PDZRN4: variants seen among roughly 807,000 people sequenced by gnomAD.
PDZRN4 encodes the protein PDZ domain containing ring finger 4, also known as PDZ domain-containing RING finger protein 4.
Under a neutral mutation model 99.0 loss-of-function variants are expected in PDZRN4, and 70 were observed. That is an observed-to-expected ratio of 0.71 (90% CI 0.58 to 0.86). The LOEUF (loss-of-function observed/expected upper bound fraction) is 0.86. Ranked by LOEUF, PDZRN4 falls within the 40% of genes least tolerant of loss-of-function variation. PDZRN4 has a pLI of 0.00. For missense variants in PDZRN4, 1,474 were observed against 1,331.2 expected (o/e 1.11, Z -1.67); for synonymous variants, 551 against 501.6 (o/e 1.10, Z -1.32).
At position 41,572,513 on chromosome 12, in the gene PDZRN4, T is replaced by C. The variant is rs1380732552; in HGVS notation, c.1734T>C (p.Asn578=). The change falls in exon 10 of 10, where the codon AAT becomes AAC. Residue 578 remains asparagine (N), a synonymous_variant. Coordinates refer to ENST00000402685, the MANE Select transcript of PDZRN4 (RefSeq NM_001164595.2). ...AGGAGAATGCAGCCGAGGACCCCAA[T>C]AGCACATCTTTGAAGAGCAAGAGAG... is the stretch of plus-strand genomic sequence containing the variant. The part of the protein sequence containing the change: ...SEQENAAEDP[N]STSLKSKRDL... 21 of 1,613,886 alleles carry C rather than the reference T, an allele frequency of 1.3e-5. No individual in the cohort carries two copies. The highest frequency in any genetic ancestry group is 2.2e-5 in the East Asian group (1 of 44,862).
Position 41,450,894 on chromosome 12 carries a change from C to A in PDZRN4, c.844-55562C>A, listed in dbSNP as rs61926463. ...AGTGAGCTATAATTGTGCCACTGCA[C>A]CCCTGCCTGTGTGACAGAGCAAGAC... On this transcript the variant is annotated intron_variant, in intron 3 of 9. Coordinates refer to ENST00000402685, the MANE Select transcript of PDZRN4 (RefSeq NM_001164595.2). 4.4e-4 allele frequency among the ~76,000 whole-genome samples: 67 copies of A among 152,088 alleles called. 1 individual carries two copies. Among genetic ancestry groups the A allele is most frequent in the Non-Finnish European group, 7.2e-4 (49 of 68,014 alleles).
intron 3 of PDZRN4, among the ~76,000 whole-genome samples, chr12:41,403,584 G>A (rs12305552): frequency 0.14 from 20,787 of 151,954 alleles, 3,195 homozygotes; most frequent in African/African-American, 0.37. Context: ...CTAGAAATAC[G>A]CAGTTGGTTC....
intron 3 of PDZRN4, among the ~76,000 whole-genome samples, chr12:41,463,730 T>C (rs1053162460): frequency 5.9e-5 from 9 of 152,198 alleles, no homozygotes; most frequent in African/African-American, 9.6e-5. Context: ...ACAGAAATTG[T>C]AGGTTACTCA....
intron 3 of PDZRN4, among the ~76,000 whole-genome samples, chr12:41,502,243 T>G (rs1346740620): frequency 6.6e-6 from 1 of 152,118 alleles, no homozygotes; most frequent in African/African-American, 2.4e-5. Flanking sequence ...GTACACTAGT[T>G]GCCCGGTTAC....
chr12:41,388,355 T>G (rs1952186589), intron 3 of PDZRN4, among the ~76,000 whole-genome samples: 1 of 151,038 alleles, frequency 6.6e-6, no homozygotes, highest in Admixed American at 6.6e-5. Context: ...TGTAACAAAC[T>G]ACACATGTAC....
intron 3 of PDZRN4, among the ~76,000 whole-genome samples, chr12:41,432,092 C>T (rs993018040): frequency 2.6e-5 from 4 of 152,144 alleles, no homozygotes; most frequent in Non-Finnish European, 2.9e-5. Flanking sequence ...TACTACCAGA[C>T]ATATGATAAG....
intron 3 of PDZRN4, among the ~76,000 whole-genome samples, chr12:41,323,367 T>C (rs1403142799): frequency 6.6e-6 from 1 of 152,130 alleles, no homozygotes; most frequent in African/African-American, 2.4e-5. Flanking sequence ...TTGACCTCAT[T>C]CTTACATTTA....
Position 41,567,774 on chromosome 12 carries a change from C to A in PDZRN4, c.1468-9C>A, listed in dbSNP as rs747196930. ...ACATAATATAATGTACTAATGTATT[C>A]TTTTGCAGCTGGATGAAGGCTGGCT... is the stretch of plus-strand genomic sequence containing the variant. On this transcript the variant is annotated splice_polypyrimidine_tract_variant and intron_variant, in intron 8 of 9. Coordinates refer to ENST00000402685, the MANE Select transcript of PDZRN4 (RefSeq NM_001164595.2). 4.4e-6 allele frequency: 7 copies of A among 1,573,888 alleles called. No homozygotes were observed. Among genetic ancestry groups the A allele is most frequent in the South Asian group, 1.1e-5 (1 of 89,400 alleles).
chr12:41,538,082 G>A (rs1177635442), intron 5 of PDZRN4, among the ~76,000 whole-genome samples: 1 of 151,978 alleles, frequency 6.6e-6, no homozygotes, highest in Non-Finnish European at 1.5e-5. Flanking sequence ...ATTTTATGGT[G>A]TATCCATTAT....
At chr12:41,555,241 A>AAAAAAAAAAAAG (rs1939135516) in intron 6 of PDZRN4, among the ~76,000 whole-genome samples, 2 of 119,948 alleles carry the variant, frequency 1.7e-5, no homozygotes, top group African/African-American at 3.2e-5. Context: ...AAAAAAAAAA[A>AAAAAAAAAAAAG]AAAAAAAAGA....
At chr12:41,225,372 T>C (rs2120735864) in intron 3 of PDZRN4, among the ~76,000 whole-genome samples, 1 of 152,086 alleles carries the variant, frequency 6.6e-6, no homozygotes, top group East Asian at 1.9e-4. Flanking sequence ...AAGCTCTGAA[T>C]CAATGATGTA....
intron 5 of PDZRN4, among the ~76,000 whole-genome samples, chr12:41,526,070 A>C (rs1938563250): frequency 6.6e-6 from 1 of 152,202 alleles, no homozygotes; most frequent in African/African-American, 2.4e-5. Context: ...CACCTGGTGT[A>C]CTTGGCCATT....
chr12:41,424,777 T>C (rs1952521648), intron 3 of PDZRN4, among the ~76,000 whole-genome samples: 1 of 152,194 alleles, frequency 6.6e-6, no homozygotes, highest in Non-Finnish European at 1.5e-5. Context: ...AGGGATCTAT[T>C]TCCACTATGT....
intron 3 of PDZRN4, among the ~76,000 whole-genome samples, chr12:41,235,912 C>T (rs1951063888): frequency 6.6e-6 from 1 of 151,926 alleles, no homozygotes; most frequent in Non-Finnish European, 1.5e-5. Flanking sequence ...CATTTTTTTT[C>T]ATTGTTGAAC....
At chr12:41,381,464 A>G (rs1952125851) in intron 3 of PDZRN4, among the ~76,000 whole-genome samples, 1 of 152,048 alleles carries the variant, frequency 6.6e-6, no homozygotes, top group South Asian at 2.1e-4. Context: ...ATAATTTCAA[A>G]CAACCTGTCT....
intron 3 of PDZRN4, among the ~76,000 whole-genome samples, chr12:41,265,139 G>T (rs1339960856): frequency 2.0e-5 from 3 of 152,056 alleles, no homozygotes; most frequent in African/African-American, 4.8e-5. Context: ...AATGTCAAAT[G>T]AGTCCTTAAA....
intron 5 of PDZRN4, among the ~76,000 whole-genome samples, chr12:41,531,296 TC>T (rs1436850986): frequency 6.6e-6 from 1 of 152,086 alleles, no homozygotes; most frequent in African/African-American, 2.4e-5. Context: ...TGGGCTCTCC[TC>T]CAACCGCCCC....
At chr12:41,540,776 G>A (rs1380534433) in intron 5 of PDZRN4, among the ~76,000 whole-genome samples, 1 of 152,210 alleles carries the variant, frequency 6.6e-6, no homozygotes, top group Non-Finnish European at 1.5e-5. Flanking sequence ...CTTTGGAGCA[G>A]TCTTTCAGCC....
At chr12:41,211,694 A>C (rs1361296251) in intron 3 of PDZRN4, among the ~76,000 whole-genome samples, 2 of 152,010 alleles carry the variant, frequency 1.3e-5, no homozygotes, top group Admixed American at 6.6e-5. Context: ...GGCAGGAGGC[A>C]CAGAAGCCTT....
Sources: gnomAD v4.1 joint callset for allele counts (sites outside exome capture counted in the v4.1 genomes callset) on GRCh38, gnomAD v4.1.1 for gene constraint, MANE v1.5 for transcripts, NCBI Gene and HGNC (gene_info 2026-07-23, HGNC 2026-07-21) for gene names.